OPCML: variants seen among roughly 807,000 people sequenced by gnomAD.
The protein encoded by OPCML is opioid-binding protein/cell adhesion molecule.
Under a neutral mutation model 37.8 loss-of-function variants are expected in OPCML, and 13 were observed. The ratio of observed to expected loss-of-function variants is 0.34; its 90% CI spans 0.22 to 0.55. The LOEUF is 0.55. Ranked by LOEUF, OPCML falls within the 20% of genes least tolerant of loss-of-function variation. The pLI is 0.91. For missense variants in OPCML, 341 were observed against 435.6 expected, an observed-to-expected ratio of 0.78 and a Z score of 1.93; for synonymous variants, 176 against 168.8, an observed-to-expected ratio of 1.04 and a Z score of -0.33.
intron 4 of OPCML, among the ~76,000 whole-genome samples, chr11:132,483,372 C>A (rs1002353926): frequency 4.2e-4 from 64 of 151,914 alleles, no homozygotes; most frequent in African/African-American, 1.3e-3. Flanking sequence ...ATGTGAAGGA[C>A]CTCTTCAAGG....
intron 1 of OPCML, among the ~76,000 whole-genome samples, chr11:133,366,412 C>T (rs904601581): frequency 2.0e-5 from 3 of 152,198 alleles, no homozygotes; most frequent in Admixed American, 2.0e-4. Context: ...CGAACTAAAG[C>T]TGAACTCTTC....
intron 2 of OPCML, among the ~76,000 whole-genome samples, chr11:132,695,235 C>A (rs1032850689): frequency 4.6e-5 from 7 of 152,122 alleles, no homozygotes; most frequent in Non-Finnish European, 7.4e-5. Flanking sequence ...TAGAACTTTG[C>A]CTGTCCATTT....
At chr11:132,964,972 G>A (rs1365068754) in intron 1 of OPCML, among the ~76,000 whole-genome samples, 1 of 152,194 alleles carries the variant, frequency 6.6e-6, no homozygotes, top group East Asian at 1.9e-4. Flanking sequence ...GCAACACACT[G>A]TATTTTGCAT....
At chr11:132,944,151 C>A (rs961656646) in intron 1 of OPCML, among the ~76,000 whole-genome samples, 4 of 150,508 alleles carry the variant, frequency 2.7e-5, no homozygotes, top group Non-Finnish European at 4.4e-5. Flanking sequence ...GCGGAGAGAA[C>A]GCGGCGCCCC....
At chr11:133,423,665 C>T (rs1380655977) in intron 1 of OPCML, among the ~76,000 whole-genome samples, 1 of 152,128 alleles carries the variant, frequency 6.6e-6, no homozygotes, top group Non-Finnish European at 1.5e-5. Context: ...GGTGCAAGCG[C>T]CCTGAGAGAC....
At chr11:133,364,787 TA>T (rs1187589638) in intron 1 of OPCML, among the ~76,000 whole-genome samples, 1 of 152,152 alleles carries the variant, frequency 6.6e-6, no homozygotes, top group African/African-American at 2.4e-5. Context: ...AAAATGAATA[TA>T]TTTTTTAAAA....
At chr11:133,393,042 C>T (rs1244500951) in intron 1 of OPCML, among the ~76,000 whole-genome samples, 1 of 146,398 alleles carries the variant, frequency 6.8e-6, no homozygotes. Context: ...TGTTTAGTGA[C>T]TTTTTTTTTT....
chr11:132,914,329 T>C (rs1944536588), intron 2 of OPCML, among the ~76,000 whole-genome samples: 1 of 152,228 alleles, frequency 6.6e-6, no homozygotes, highest in South Asian at 2.1e-4. Context: ...CTTGGTAACA[T>C]TTATATGCAA....
intron 3 of OPCML, among the ~76,000 whole-genome samples, chr11:132,643,170 G>A (rs908216002): frequency 2.6e-5 from 4 of 152,256 alleles, no homozygotes; most frequent in Non-Finnish European, 4.4e-5. Flanking sequence ...CCAGCTTCTC[G>A]GGAAGCTGAG....
At chr11:133,515,843 G>GA (rs538181282) in intron 1 of OPCML, among the ~76,000 whole-genome samples, 20,015 of 134,270 alleles carry the variant, frequency 0.15, 3,113 homozygotes, top group African/African-American at 0.4. Flanking sequence ...CCAAGAAGAG[G>GA]AAAAAAAAAA....
chr11:132,868,006 G>A (rs1427123853), intron 2 of OPCML, among the ~76,000 whole-genome samples: 3 of 152,172 alleles, frequency 2.0e-5, no homozygotes, highest in Non-Finnish European at 4.4e-5. Context: ...AATCTTATTT[G>A]TTAATAATAG....
At chr11:132,429,842 A>G (rs2136697066) in intron 7 of OPCML, among the ~76,000 whole-genome samples, 1 of 152,228 alleles carries the variant, frequency 6.6e-6, no homozygotes, top group Non-Finnish European at 1.5e-5. Flanking sequence ...CAAATACCTC[A>G]CCACTGGGTG....
chr11:133,388,282 C>T (rs960648329), intron 1 of OPCML, among the ~76,000 whole-genome samples: 5 of 152,164 alleles, frequency 3.3e-5, no homozygotes, highest in Admixed American at 6.5e-5. Flanking sequence ...CATGGTGTAA[C>T]TATTGGGTAC....
chr11:132,501,314 G>C lies in OPCML; in HGVS notation c.505+27747C>G, dbSNP rs113320345. Among the ~76,000 whole-genome samples the C allele has an allele frequency of 9.4e-3, 1,435 of 152,320 alleles. 11 individuals are homozygous for C. Among genetic ancestry groups the C allele is most frequent in the African/African-American group, 0.032 (1,327 of 41,562 alleles). The stretch of plus-strand genomic sequence containing the variant: ...CCTAGGCAATACCATTCAGGACGTA[G>C]GCATGAGCAAAGGTTTCATAACTAG... On this transcript the variant is annotated intron_variant, in intron 4 of 7. Coordinates refer to ENST00000524381, the MANE Select transcript of OPCML (RefSeq NM_001012393.5).
chr11:133,240,104 G>C (rs561769397), intron 1 of OPCML, among the ~76,000 whole-genome samples: 33 of 149,814 alleles, frequency 2.2e-4, no homozygotes, highest in African/African-American at 7.9e-4. Context: ...TGCTGCTCAG[G>C]CCTCCCAGGG....
At chr11:133,143,588 C>A (rs1414683287) in intron 1 of OPCML, among the ~76,000 whole-genome samples, 2 of 152,194 alleles carry the variant, frequency 1.3e-5, no homozygotes, top group African/African-American at 4.8e-5. Context: ...CACTTAGGAT[C>A]TTTTAGAATA....
chr11:132,448,969 AAGG>A (rs150268086), intron 4 of OPCML, among the ~76,000 whole-genome samples: 10 of 152,340 alleles, frequency 6.6e-5, no homozygotes, highest in African/African-American at 2.4e-4. Flanking sequence ...GTCTATGACT[AAGG>A]AACCCAAATA....
chr11:133,421,581 A>G, intron 1 of OPCML: 1 of 985,456 alleles, frequency 1.0e-6, no homozygotes, highest in Non-Finnish European at 1.2e-6. Flanking sequence ...GATAAAATTG[A>G]AAACTGGGAG....
Position 133,420,552 on chromosome 11 carries a change from C to A in OPCML, c.61+111712G>T, listed in dbSNP as rs147941082. On this transcript the variant is annotated intron_variant, in intron 1 of 7. Transcript: ENST00000524381. ...CTAATTTAGATCCATCTGCAAACAT[C>A]ATTAACATGCTATTTACTCCCTCAT... 4 of 983,452 alleles carry A rather than the reference C, an allele frequency of 4.1e-6. No individual in the cohort carries two copies. The African/African-American group carries it at 7.0e-5, about 17-fold the overall frequency. 60.9% of individuals were successfully genotyped at this position (983,452 alleles called of 1,614,324 possible).
Sources: allele counts gnomAD v4.1 joint callset (sites outside exome capture counted in the v4.1 genomes callset), GRCh38; gene constraint gnomAD v4.1.1; transcripts MANE v1.5; gene names NCBI Gene and HGNC (gene_info 2026-07-23, HGNC 2026-07-21).